Variants in ETHE1 observed in about 807,000 individuals in gnomAD.
The protein encoded by ETHE1 is persulfide dioxygenase ETHE1, mitochondrial.
ETHE1 carries 16 observed loss-of-function variants against 25.7 expected under a neutral mutation model. That is an observed-to-expected ratio of 0.62 (90% CI 0.42 to 0.95). The LOEUF (loss-of-function observed/expected upper bound fraction) is 0.95, where lower values mean the gene tolerates loss of function less well. Ranked by LOEUF, ETHE1 falls within the 40% of genes least tolerant of loss-of-function variation. The pLI, the probability that ETHE1 is intolerant of heterozygous loss-of-function variation, is 0.00. For missense variants in ETHE1, 300 were observed against 333.6 expected, an observed-to-expected ratio of 0.90 and a Z score of 0.79; for synonymous variants, 139 against 135.9, an observed-to-expected ratio of 1.02 and a Z score of -0.16.
At chr19:43,518,994 T>C (rs1369417819) in intron 3 of ETHE1, among the ~76,000 whole-genome samples, 2 of 135,356 alleles carry the variant, frequency 1.5e-5, no homozygotes, top group East Asian at 2.2e-4. Context: ...ATGAAATTTG[T>C]GCTTGTTTTT....
chr19:43,512,282 A>G (rs1001237431), intron 3 of ETHE1, among the ~76,000 whole-genome samples: 3 of 152,186 alleles, frequency 2.0e-5, no homozygotes, highest in Non-Finnish European at 4.4e-5. Context: ...AACAGTTTGG[A>G]AGGCTCAGAA....
At chr19:43,527,028 G>T in intron 1 of ETHE1, 69 bp downstream of exon 1, 1 of 1,540,128 alleles carries the variant, frequency 6.5e-7, no homozygotes. Context: ...CCTATTAAGA[G>T]ACCCCGGAGT....
intron 3 of ETHE1, among the ~76,000 whole-genome samples, chr19:43,516,279 C>T (rs1052089586): frequency 6.6e-6 from 1 of 152,014 alleles, no homozygotes; most frequent in Admixed American, 6.6e-5. Flanking sequence ...ACATGTGGTC[C>T]TTGACTTAAG....
At chr19:43,514,558 T>C (rs2145990932) in intron 3 of ETHE1, among the ~76,000 whole-genome samples, 1 of 148,506 alleles carries the variant, frequency 6.7e-6, no homozygotes, top group East Asian at 2.0e-4. Context: ...CAATCTTGGC[T>C]CACTGCAACC....
At chr19:43,513,456 C>G (rs1168288185) in intron 3 of ETHE1, among the ~76,000 whole-genome samples, 1 of 152,188 alleles carries the variant, frequency 6.6e-6, no homozygotes, top group African/African-American at 2.4e-5. Flanking sequence ...TGGGAACCCA[C>G]CTCTTGCATC....
chr19:43,515,823 G>A (rs1451528218), intron 3 of ETHE1, among the ~76,000 whole-genome samples: 4 of 152,080 alleles, frequency 2.6e-5, no homozygotes, highest in Admixed American at 6.6e-5. Context: ...TGATTCACCC[G>A]CCTCAGGCTC....
intron 3 of ETHE1, among the ~76,000 whole-genome samples, chr19:43,518,522 G>A (rs1024239122): frequency 1.3e-5 from 2 of 151,810 alleles, no homozygotes; most frequent in African/African-American, 2.4e-5. Flanking sequence ...CGAGACGGGC[G>A]GATCACGAGG....
intron 4 of ETHE1, among the ~76,000 whole-genome samples, chr19:43,509,565 G>A (rs1477215374): frequency 1.3e-5 from 2 of 151,536 alleles, no homozygotes; most frequent in Non-Finnish European, 2.9e-5. Context: ...GGAGGCCGAG[G>A]TGGGTGAATC....
At chr19:43,526,129 C>T in intron 3 of ETHE1, 72 bp downstream of exon 3, 1 of 1,610,306 alleles carries the variant, frequency 6.2e-7, no homozygotes, top group Non-Finnish European at 8.5e-7. Context: ...ATCCCAGGCC[C>T]CCAGTCCCCT....
Position 43,526,272 on chromosome 19 carries a change from T to C in ETHE1, c.304A>G (p.Ile102Val). Residue 102 changes from isoleucine (I) to valine (V), a missense_variant, in exon 3 of 7, where the codon ATC becomes GTC. Ile to Val is a conservative substitution (Grantham distance 29, BLOSUM62 3). Transcript: ENST00000292147. ...GCCTGGGCCCCACTAAGGCGGGAGA[T>C]GACAGACTGGCAGCCAGGGAGGAGG... The part of the protein sequence containing the change: ...RSLLPGCQSV[I>V]SRLSGAQADL... 2 of 1,614,008 alleles carry C rather than the reference T, an allele frequency of 1.2e-6. No individual in the cohort carries two copies. Among genetic ancestry groups the C allele is most frequent in the Non-Finnish European group, 1.7e-6 (2 of 1,179,994 alleles).
intron 3 of ETHE1, among the ~76,000 whole-genome samples, 165 bp from the exon 4 acceptor site, chr19:43,511,731 G>A (rs927216089): frequency 1.4e-4 from 21 of 152,176 alleles, no homozygotes; most frequent in African/African-American, 4.8e-4. Context: ...ACTCCAAGTG[G>A]ATTAAAGATT....
intron 4 of ETHE1, among the ~76,000 whole-genome samples, chr19:43,509,890 A>G (rs1005311353): frequency 6.6e-6 from 1 of 152,238 alleles, no homozygotes; most frequent in African/African-American, 2.4e-5. Context: ...AGCAGCTCTG[A>G]GTCCTAAGTA....
At chr19:43,520,661 C>G (rs1449364546) in intron 3 of ETHE1, among the ~76,000 whole-genome samples, 19 of 151,324 alleles carry the variant, frequency 1.3e-4, no homozygotes, top group Non-Finnish European at 2.9e-5. Flanking sequence ...GATTGCACCA[C>G]TGCACTCCAG....
At position 43,526,599 on chromosome 19, in the gene ETHE1, C is replaced by T. The variant is rs547422107; in HGVS notation, c.142G>A (p.Ala48Thr). The T allele has an allele frequency of 6.2e-7, 1 of 1,614,102 alleles. No homozygotes were observed. Among genetic ancestry groups the T allele is most frequent in the East Asian group, 2.2e-5 (1 of 44,870 alleles). The change falls in exon 2 of 7, where the codon GCC becomes ACC. Residue 48 changes from alanine (A) to threonine (T), a missense_variant. Ala to Thr is a moderately conservative substitution (Grantham distance 58). Transcript: ENST00000292147. ...TCCAGGACTGGGTCGATCAGAACGGCCTCCCGGGACTCTCTGTCACCCAGC... is the reference window on the plus strand; with the variant it reads ...TCCAGGACTGGGTCGATCAGAACGGTCTCCCGGGACTCTCTGTCACCCAGC... ...YLLGDRESRE[A>T]VLIDPVLETA...
rs753825232 is a variant in ETHE1, at chr19:43,526,461, C to T, written c.226+54G>A. 4.4e-6 allele frequency: 7 copies of T among 1,602,998 alleles called. No individual in the cohort carries two copies. In the South Asian group the frequency reaches 7.8e-5, roughly 18 times the overall value. ...TTCTGGGCCCCAGCTTCCCATTCCACTGACGCTGCAGCCCAGCCCCGCTGG... is the reference window on the plus strand; with the variant it reads ...TTCTGGGCCCCAGCTTCCCATTCCATTGACGCTGCAGCCCAGCCCCGCTGG... On this transcript the variant is annotated intron_variant, in intron 2 of 6. Transcript: ENST00000292147.
rs1404217308 is a variant in ETHE1 at position 43,527,142 on chromosome 19, C to T, written c.36G>A (p.Gln12=). The T allele has an allele frequency of 1.3e-6, 2 of 1,550,382 alleles. No homozygotes were observed. The highest frequency in any genetic ancestry group is 1.7e-6 in the Non-Finnish European group (2 of 1,151,618). ...CTCCAGACCCGCCGCGCTGGCTCAG[C>T]TGCCGCCGGGCGACCCTCAGTACAG... ...AEAVLRVARR[Q]LSQRGGSGAP... is the part of the protein sequence containing the mutation. Residue 12 remains glutamine, a synonymous_variant, in exon 1 of 7, where the codon CAG becomes CAA. Transcript: ENST00000292147.
At chr19:43,524,309 C>T (rs1387118546) in intron 3 of ETHE1, among the ~76,000 whole-genome samples, 1 of 151,534 alleles carries the variant, frequency 6.6e-6, no homozygotes, top group Non-Finnish European at 1.5e-5. Context: ...CACTTGAACC[C>T]GGGAGGTGGA....
At chr19:43,508,346 C>CTTTTTTTT (rs397933393) in intron 5 of ETHE1, among the ~76,000 whole-genome samples, 2 of 124,688 alleles carry the variant, frequency 1.6e-5, no homozygotes, top group East Asian at 2.3e-4. Flanking sequence ...CACTTTATCT[C>CTTTTTTTT]TTTTTTTTTT....
chr19:43,506,942 G>A (rs779514934), intron 6 of ETHE1, 40 bp from the exon 7 acceptor site: 3 of 1,607,404 alleles, frequency 1.9e-6, no homozygotes, highest in African/African-American at 1.3e-5. Flanking sequence ...AGGGGCCTAG[G>A]TAGAGTTCCA....
Sources: gnomAD v4.1 joint callset for allele counts (sites outside exome capture counted in the v4.1 genomes callset) on GRCh38, gnomAD v4.1.1 for gene constraint, MANE v1.5 for transcripts, NCBI Gene and HGNC (gene_info 2026-07-23, HGNC 2026-07-21) for gene names.